The following GPRIN3 variants were observed in gnomAD, a reference collection of about 807,000 sequenced individuals.
GPRIN3 encodes G protein-regulated inducer of neurite outgrowth 3.
Under a neutral mutation model 13.7 loss-of-function variants are expected in GPRIN3, and 12 were observed. The observed-to-expected ratio is 0.87, with a 90% CI of 0.56 to 1.42. GPRIN3 has a LOEUF of 1.42. GPRIN3 is among the 40% of genes most tolerant of loss of function. The probability of loss-of-function intolerance (pLI) is 0.00; values close to 1 mark genes in which losing one functional copy is unlikely to be tolerated. For missense variants in GPRIN3, 1,009 were observed against 958.7 expected (o/e 1.05, Z -0.69); for synonymous variants, 377 against 372.7 (o/e 1.01, Z -0.13).
chr4:89,268,000 T>G (rs1459582558), intron 1 of GPRIN3, among the ~76,000 whole-genome samples: 2 of 152,170 alleles, frequency 1.3e-5, no homozygotes, highest in Admixed American at 1.3e-4. Context: ...AATACTGGGA[T>G]GTAGTTACGC....
intron 1 of GPRIN3, among the ~76,000 whole-genome samples, chr4:89,271,896 G>A (rs1723961586): frequency 6.6e-6 from 1 of 152,276 alleles, no homozygotes; most frequent in South Asian, 2.1e-4. Flanking sequence ...ATTATTTGGA[G>A]GTGGGGCCTT....
chr4:89,265,217 A>T (rs1723750959), intron 1 of GPRIN3, among the ~76,000 whole-genome samples: 1 of 152,116 alleles, frequency 6.6e-6, no homozygotes, highest in Admixed American at 6.5e-5. Context: ...TACTATTCTC[A>T]ATTTTCACTT....
At position 89,256,075 on chromosome 4, in the gene GPRIN3, C is replaced by T. The variant is rs150545897; in HGVS notation, c.-123-5842G>A. Among the ~76,000 whole-genome samples, 928 of 152,242 alleles carry T rather than the reference C, an allele frequency of 6.1e-3. 12 individuals are homozygous for T. The highest frequency in any genetic ancestry group is 0.021 in the African/African-American group (878 of 41,520). ...AAACTGAGGCCCAGAGGCTAAGTAA[C>T]CCACTCAAGATGGAATACCTGTAAT... On this transcript the variant is annotated intron_variant, in intron 1 of 1. Transcript: ENST00000609438.
At chr4:89,274,458 G>T (rs193026858) in intron 1 of GPRIN3, among the ~76,000 whole-genome samples, 2 of 152,126 alleles carry the variant, frequency 1.3e-5, no homozygotes, top group African/African-American at 4.8e-5. Flanking sequence ...TGTACTAAAA[G>T]ATACTTGCCT....
At chr4:89,256,755 T>C (rs1186665075) in intron 1 of GPRIN3, among the ~76,000 whole-genome samples, 1 of 152,182 alleles carries the variant, frequency 6.6e-6, no homozygotes, top group African/African-American at 2.4e-5. Flanking sequence ...CTGACAGCTG[T>C]TTTTAGTAAT....
chr4:89,305,543 G>C (rs1725010784), intron 1 of GPRIN3, among the ~76,000 whole-genome samples: 1 of 152,172 alleles, frequency 6.6e-6, no homozygotes, highest in Admixed American at 6.5e-5. Flanking sequence ...CAATGAAAGA[G>C]CTCAAATAAG....
At chr4:89,284,086 C>T (rs995713732) in intron 1 of GPRIN3, among the ~76,000 whole-genome samples, 1 of 152,156 alleles carries the variant, frequency 6.6e-6, no homozygotes, top group Admixed American at 6.5e-5. Flanking sequence ...GAGGTAAACG[C>T]TATGACAGAT....
rs1723219338 is a variant in GPRIN3 at position 89,249,058 on chromosome 4, C to T, written c.1053G>A (p.Glu351=). The T allele has an allele frequency of 6.2e-7, 1 of 1,614,156 alleles. No homozygotes were observed. Among genetic ancestry groups the T allele is most frequent in the South Asian group, 1.1e-5 (1 of 91,084 alleles). Reference sequence around the variant, plus strand: ...CACGCAGCTGCTCTTGTTCAAAATGCTCAGGAGCACGGCTTTCCTTCAGAA... The same window carrying T: ...CACGCAGCTGCTCTTGTTCAAAATGTTCAGGAGCACGGCTTTCCTTCAGAA... ...TAFLKESRAP[E]HFEQEQLRVI... Residue 351 remains glutamate, a synonymous_variant, in exon 2 of 2, where the codon GAG becomes GAA. Transcript: ENST00000609438.
intron 1 of GPRIN3, among the ~76,000 whole-genome samples, chr4:89,273,018 T>C (rs751772783): frequency 3.3e-5 from 5 of 152,208 alleles, no homozygotes; most frequent in Non-Finnish European, 7.3e-5. Context: ...GAACCACATT[T>C]TTTTTTGTAG....
At chr4:89,294,665 G>A (rs1017909070) in intron 1 of GPRIN3, among the ~76,000 whole-genome samples, 2 of 152,152 alleles carry the variant, frequency 1.3e-5, no homozygotes, top group Admixed American at 6.5e-5. Flanking sequence ...GAAAAGAGCA[G>A]CAGGGTATGA....
At chr4:89,301,818 T>C (rs1428850733) in intron 1 of GPRIN3, among the ~76,000 whole-genome samples, 1 of 152,190 alleles carries the variant, frequency 6.6e-6, no homozygotes, top group Non-Finnish European at 1.5e-5. Context: ...TATATCTCCG[T>C]CCTCCAGCTG....
intron 1 of GPRIN3, among the ~76,000 whole-genome samples, chr4:89,276,450 T>C (rs540185965): frequency 2.6e-4 from 39 of 152,318 alleles, no homozygotes; most frequent in Non-Finnish European, 5.3e-4. Flanking sequence ...GAATTTTGCT[T>C]TTGCTTATCA....
rs867464290 is a variant in GPRIN3 at position 89,247,084 on chromosome 4, T to A, written c.*696A>T. ...ATAAATCCATGTTTAATGTAGGCAGTTTTCATAGTCAAAAGCTTAGCTAAT... is the reference window on the plus strand; with the variant it reads ...ATAAATCCATGTTTAATGTAGGCAGATTTCATAGTCAAAAGCTTAGCTAAT... On this transcript the variant is annotated 3_prime_UTR_variant, in exon 2 of 2. Coordinates refer to ENST00000609438, the MANE Select transcript of GPRIN3 (RefSeq NM_198281.3). 1.3e-5 allele frequency: 2 copies of A among 152,222 alleles called. No homozygotes were observed. The highest frequency in any genetic ancestry group is 4.1e-4 in the South Asian group (2 of 4,832). 9.4% of individuals were successfully genotyped at this position (152,222 alleles called of 1,614,324 possible). A position where few individuals can be genotyped will look rare whatever the true frequency, so the allele number is the denominator to read the frequency against.
chr4:89,279,745 C>T (rs879839650), intron 1 of GPRIN3, among the ~76,000 whole-genome samples: 8 of 152,156 alleles, frequency 5.3e-5, no homozygotes, highest in Non-Finnish European at 1.2e-4. Context: ...ACTTGGTTTT[C>T]CTCTTTTCTC....
intron 1 of GPRIN3, among the ~76,000 whole-genome samples, chr4:89,297,373 C>T (rs943424629): frequency 1.3e-5 from 2 of 152,032 alleles, no homozygotes; most frequent in African/African-American, 4.8e-5. Flanking sequence ...TGGCAAAGTG[C>T]CTCAAGTGTT....
intron 1 of GPRIN3, among the ~76,000 whole-genome samples, chr4:89,258,014 G>A (rs969927818): frequency 2.0e-5 from 3 of 151,736 alleles, no homozygotes; most frequent in Non-Finnish European, 2.9e-5. Flanking sequence ...GAAGGTTTAC[G>A]CTCAGTGTTT....
In GPRIN3 at chr4:89,245,089, GAAA is replaced by G. The variant is rs779080124; in HGVS notation, c.*2688_*2690del. On this transcript the variant is annotated 3_prime_UTR_variant, in exon 2 of 2. Coordinates refer to ENST00000609438, the MANE Select transcript of GPRIN3 (RefSeq NM_198281.3). ...TGCTATGTCACAGATTGAAGTGAAG[GAAA>G]ATTCTCAAATAAGGTTTTATTGTGA... 2.0e-5 allele frequency: 3 copies of G among 152,162 alleles called. No individual in the cohort carries two copies. The highest frequency in any genetic ancestry group is 2.9e-5 in the Non-Finnish European group (2 of 68,018). 9.4% of individuals were successfully genotyped at this position (152,162 alleles called of 1,614,324 possible). A position where few individuals can be genotyped will look rare whatever the true frequency, so the allele number is the denominator to read the frequency against.
chr4:89,291,375 T>G (rs1724567599), intron 1 of GPRIN3, among the ~76,000 whole-genome samples: 1 of 152,128 alleles, frequency 6.6e-6, no homozygotes, highest in African/African-American at 2.4e-5. Flanking sequence ...GCAGACCTCT[T>G]TCTCCACCTG....
chr4:89,268,815 A>T (rs1482358269), intron 1 of GPRIN3, among the ~76,000 whole-genome samples: 1 of 152,130 alleles, frequency 6.6e-6, no homozygotes, highest in African/African-American at 2.4e-5. Context: ...CACTGAGGGA[A>T]TATTCACACC....
Sources: allele counts gnomAD v4.1 joint callset (sites outside exome capture counted in the v4.1 genomes callset), GRCh38; gene constraint gnomAD v4.1.1; transcripts MANE v1.5; gene names NCBI Gene and HGNC (gene_info 2026-07-23, HGNC 2026-07-21).